The following MACROD2 variants were observed in gnomAD, a reference collection of about 807,000 sequenced individuals.
MACROD2 encodes mono-ADP ribosylhydrolase 2, also known as ADP-ribose glycohydrolase MACROD2.
In MACROD2, 36 loss-of-function variants were observed where a neutral mutation model predicts 70.4. The ratio of observed to expected loss-of-function variants is 0.51; its 90% CI spans 0.39 to 0.68. The LOEUF (loss-of-function observed/expected upper bound fraction) is 0.68, where lower values mean the gene tolerates loss of function less well. MACROD2 is among the 30% of genes least tolerant of loss of function. MACROD2 has a pLI of 0.00. For missense variants in MACROD2, 496 were observed against 538.4 expected (o/e 0.92, Z 0.78); for synonymous variants, 172 against 178.8 (o/e 0.96, Z 0.30).
chr20:14,361,284 A>T (rs560492869), intron 3 of MACROD2, among the ~76,000 whole-genome samples: 78 of 152,212 alleles, frequency 5.1e-4, no homozygotes, highest in South Asian at 3.5e-3. Context: ...TCCATTTTTA[A>T]ATCATACCCT....
chr20:14,240,919 A>G (rs891781348), intron 3 of MACROD2, among the ~76,000 whole-genome samples: 2 of 152,194 alleles, frequency 1.3e-5, no homozygotes, highest in Admixed American at 6.5e-5. Flanking sequence ...TCATGAGGTC[A>G]GGAATTCAAG....
At chr20:15,150,806 G>A (rs1438875294) in intron 5 of MACROD2, among the ~76,000 whole-genome samples, 7 of 151,966 alleles carry the variant, frequency 4.6e-5, no homozygotes, top group Admixed American at 4.6e-4. Flanking sequence ...GGCCTAATAA[G>A]GGAACTGAGC....
intron 3 of MACROD2, among the ~76,000 whole-genome samples, chr20:14,416,174 G>T (rs543152718): frequency 6.6e-6 from 1 of 152,088 alleles, no homozygotes; most frequent in African/African-American, 2.4e-5. Flanking sequence ...GGCCAGGATG[G>T]TCTCAATCTC....
At chr20:15,595,172 A>G (rs1897130512) in intron 8 of MACROD2, among the ~76,000 whole-genome samples, 1 of 152,220 alleles carries the variant, frequency 6.6e-6, no homozygotes, top group South Asian at 2.1e-4. Context: ...TTAGTTTTGA[A>G]AGATCAGAAA....
rs376292200 is a variant in MACROD2, at chr20:14,050,604, CAG to C, written c.164-35015_164-35014del. Among the ~76,000 whole-genome samples the C allele has an allele frequency of 4.1e-3, 620 of 152,074 alleles. 1 individual carries two copies. Among genetic ancestry groups the C allele is most frequent in the East Asian group, 0.011 (59 of 5,174 alleles). ...GCACCAGAAAACCAACAGTGCAAAA[CAG>C]AAAGTGAACGAAGGAAAAAACTGAC... On this transcript the variant is annotated intron_variant, in intron 2 of 17. Coordinates refer to ENST00000684519, the MANE Select transcript of MACROD2 (RefSeq NM_001351661.2).
At chr20:15,969,298 G>A (rs1013168691) in intron 13 of MACROD2, among the ~76,000 whole-genome samples, 1 of 151,788 alleles carries the variant, frequency 6.6e-6, no homozygotes, top group African/African-American at 2.4e-5. Context: ...AAAATATAAT[G>A]TCCAGCACAC....
intron 8 of MACROD2, among the ~76,000 whole-genome samples, chr20:15,532,499 A>G (rs1444867740): frequency 6.6e-6 from 1 of 152,054 alleles, no homozygotes; most frequent in Non-Finnish European, 1.5e-5. Context: ...CAAACTTGGC[A>G]CCGTCACTGA....
At chr20:14,006,930 T>C (rs1235725984) in intron 2 of MACROD2, among the ~76,000 whole-genome samples, 1 of 152,228 alleles carries the variant, frequency 6.6e-6, no homozygotes, top group Non-Finnish European at 1.5e-5. Context: ...TAGATTATTG[T>C]ACATCTTTTT....
intron 8 of MACROD2, among the ~76,000 whole-genome samples, chr20:15,511,137 G>A (rs1041967624): frequency 6.6e-6 from 1 of 152,088 alleles, no homozygotes; most frequent in African/African-American, 2.4e-5. Flanking sequence ...TGAGCTGCTG[G>A]GCACCAGGGC....
chr20:15,842,525 T>C (rs547094488), intron 8 of MACROD2, among the ~76,000 whole-genome samples: 5 of 146,720 alleles, frequency 3.4e-5, no homozygotes, highest in Admixed American at 2.7e-4. Flanking sequence ...GTTAATTTGC[T>C]TCTTCTCCAG....
intron 3 of MACROD2, among the ~76,000 whole-genome samples, chr20:14,469,556 G>A (rs2084502456): frequency 6.6e-6 from 1 of 151,944 alleles, no homozygotes; most frequent in African/African-American, 2.4e-5. Flanking sequence ...TCACTTTCAG[G>A]TACACCAATC....
intron 3 of MACROD2, among the ~76,000 whole-genome samples, chr20:14,432,995 G>C (rs988494480): frequency 7.2e-5 from 11 of 152,140 alleles, no homozygotes; most frequent in Non-Finnish European, 1.2e-4. Flanking sequence ...ATGGCAACCA[G>C]TGTTTATAGA....
At chr20:15,638,170 T>G (rs184672183) in intron 8 of MACROD2, among the ~76,000 whole-genome samples, 1 of 152,088 alleles carries the variant, frequency 6.6e-6, no homozygotes, top group Non-Finnish European at 1.5e-5. Flanking sequence ...GAAGAAACCC[T>G]CAGTATTAGG....
chr20:14,019,851 C>G (rs1373129860), intron 2 of MACROD2, among the ~76,000 whole-genome samples: 3 of 152,110 alleles, frequency 2.0e-5, no homozygotes, highest in Non-Finnish European at 4.4e-5. Context: ...AATCTTGTAT[C>G]CTCCGAATAA....
intron 3 of MACROD2, among the ~76,000 whole-genome samples, chr20:14,445,089 A>G (rs185804588): frequency 6.6e-6 from 1 of 152,224 alleles, no homozygotes; most frequent in Non-Finnish European, 1.5e-5. Context: ...TTTTCTGCTC[A>G]AAACCCTTCA....
chr20:14,378,506 G>A (rs1304175974), intron 3 of MACROD2, among the ~76,000 whole-genome samples: 1 of 152,164 alleles, frequency 6.6e-6, no homozygotes, highest in Non-Finnish European at 1.5e-5. Flanking sequence ...TGCTGCAATT[G>A]CATCACAGCT....
intron 8 of MACROD2, among the ~76,000 whole-genome samples, chr20:15,601,383 A>C (rs2048817982): frequency 6.6e-6 from 1 of 152,166 alleles, no homozygotes; most frequent in Non-Finnish European, 1.5e-5. Flanking sequence ...CCATTCACCC[A>C]TCCCAAATGG....
chr20:15,224,901 A>G (rs911622173), intron 5 of MACROD2, among the ~76,000 whole-genome samples: 4 of 151,652 alleles, frequency 2.6e-5, no homozygotes, highest in African/African-American at 9.7e-5. Flanking sequence ...CAGAGGTTGC[A>G]GTGAGCCAAG....
intron 5 of MACROD2, among the ~76,000 whole-genome samples, chr20:15,181,487 T>C (rs1411463980): frequency 1.3e-5 from 2 of 152,154 alleles, no homozygotes; most frequent in Non-Finnish European, 2.9e-5. Flanking sequence ...CCAACAGCAG[T>C]GTGTTGGGGT....
Sources: allele counts gnomAD v4.1 joint callset (sites outside exome capture counted in the v4.1 genomes callset), GRCh38; gene constraint gnomAD v4.1.1; transcripts MANE v1.5; gene names NCBI Gene and HGNC (gene_info 2026-07-23, HGNC 2026-07-21).